The following TYW1 variants were observed in gnomAD, a reference collection of about 807,000 sequenced individuals.
The protein encoded by TYW1 is tRNA-yW synthesizing protein 1 homolog.
TYW1 carries 46 observed loss-of-function variants against 96.2 expected under a neutral mutation model. The ratio of observed to expected loss-of-function variants is 0.48; its 90% CI spans 0.38 to 0.61. The LOEUF is 0.61. TYW1 is among the 20% of genes least tolerant of loss of function. The probability of loss-of-function intolerance (pLI) is 0.00; values close to 1 mark genes in which losing one functional copy is unlikely to be tolerated. For synonymous variants in TYW1, 274 were observed against 323.0 expected (o/e 0.85, Z 1.63); for missense variants, 684 against 909.6 (o/e 0.75, Z 3.19).
chr7:67,088,576 C>T (rs1209176299), intron 11 of TYW1, among the ~76,000 whole-genome samples: 4 of 151,820 alleles, frequency 2.6e-5, no homozygotes, highest in South Asian at 2.1e-4. Flanking sequence ...TGAAAAAGAC[C>T]GTAAAGGGAT....
At chr7:67,001,864 T>A (rs112051121) in intron 3 of TYW1, among the ~76,000 whole-genome samples, 47 of 151,542 alleles carry the variant, frequency 3.1e-4, no homozygotes, top group African/African-American at 1.1e-3. Flanking sequence ...AAAACCCCAT[T>A]TCTACTAAAA....
intron 12 of TYW1, among the ~76,000 whole-genome samples, chr7:67,113,304 G>C (rs2690188): frequency 0.27 from 41,271 of 151,716 alleles, 6,372 homozygotes; most frequent in African/African-American, 0.42. Context: ...GCCTCAGTGT[G>C]CAGTTCATAG....
intron 7 of TYW1, among the ~76,000 whole-genome samples, chr7:67,047,013 T>C (rs1795208140): frequency 6.6e-6 from 1 of 152,216 alleles, no homozygotes; most frequent in South Asian, 2.1e-4. Flanking sequence ...GCCAGTGTCA[T>C]GGACCTCGGT....
At chr7:67,011,768 G>C (rs942225878) in intron 4 of TYW1, among the ~76,000 whole-genome samples, 2 of 152,008 alleles carry the variant, frequency 1.3e-5, no homozygotes, top group African/African-American at 4.8e-5. Flanking sequence ...AACTACTCGG[G>C]AGGCTGAGGC....
At chr7:67,137,513 A>G (rs1798303008) in intron 13 of TYW1, among the ~76,000 whole-genome samples, 1 of 152,152 alleles carries the variant, frequency 6.6e-6, no homozygotes, top group African/African-American at 2.4e-5. Flanking sequence ...TTTTTAAAAG[A>G]TTGTATTTGA....
chr7:67,177,921 AG>A (rs1422193200), intron 13 of TYW1, among the ~76,000 whole-genome samples: 15 of 149,646 alleles, frequency 1.0e-4, no homozygotes, highest in African/African-American at 3.7e-4. Flanking sequence ...TGGGAGGCCA[AG>A]GCAAGAGGAT....
intron 11 of TYW1, among the ~76,000 whole-genome samples, chr7:67,089,760 A>T (rs1485825247): frequency 1.3e-5 from 2 of 152,178 alleles, no homozygotes; most frequent in African/African-American, 2.4e-5. Context: ...ACTGAGTTAT[A>T]AAAATATCTT....
At chr7:67,227,948 G>A (rs1429434872) in intron 15 of TYW1, among the ~76,000 whole-genome samples, 6 of 152,312 alleles carry the variant, frequency 3.9e-5, no homozygotes, top group Non-Finnish European at 1.5e-5. Context: ...AGAGAGTTCT[G>A]TGGGTCCTTC....
At chr7:67,085,265 C>T (rs565614135) in intron 11 of TYW1, among the ~76,000 whole-genome samples, 4 of 152,288 alleles carry the variant, frequency 2.6e-5, no homozygotes, top group African/African-American at 7.2e-5. Context: ...ATTGTAATCT[C>T]CATAATCCCC....
At chr7:67,175,337 A>G (rs1799639136) in intron 13 of TYW1, among the ~76,000 whole-genome samples, 2 of 151,930 alleles carry the variant, frequency 1.3e-5, no homozygotes, top group African/African-American at 4.8e-5. Flanking sequence ...ATGCCCAGCT[A>G]ATTTTGTATT....
chr7:67,025,715 C>T (rs761310251), intron 7 of TYW1, among the ~76,000 whole-genome samples: 14 of 151,972 alleles, frequency 9.2e-5, no homozygotes, highest in Non-Finnish European at 1.6e-4. Flanking sequence ...TGAGAATGTA[C>T]GATGCAGTAG....
chr7:67,195,419 C>T (rs1800362462), intron 15 of TYW1, 82 bp downstream of exon 15: 1 of 1,597,612 alleles, frequency 6.3e-7, no homozygotes, highest in South Asian at 1.1e-5. Context: ...TTTCCTCTTA[C>T]ATTGTTATAG....
intron 12 of TYW1, among the ~76,000 whole-genome samples, chr7:67,110,496 C>G (rs1797369403): frequency 6.6e-6 from 1 of 152,308 alleles, no homozygotes; most frequent in Non-Finnish European, 1.5e-5. Flanking sequence ...CATTAATGAG[C>G]TGACCACTAA....
At chr7:67,169,277 A>C (rs1799447079) in intron 13 of TYW1, among the ~76,000 whole-genome samples, 1 of 152,186 alleles carries the variant, frequency 6.6e-6, no homozygotes, top group South Asian at 2.1e-4. Context: ...AGTGGCTTTT[A>C]GTTTATTTAC....
At chr7:67,237,425 A>C (rs1801924385) in intron 15 of TYW1, among the ~76,000 whole-genome samples, 2 of 151,030 alleles carry the variant, frequency 1.3e-5, no homozygotes, top group Non-Finnish European at 2.9e-5. Flanking sequence ...GCATGAACGC[A>C]GGAGGCAGAG....
chr7:67,186,267 C>CCCCG (rs1554388125), intron 14 of TYW1, among the ~76,000 whole-genome samples: 15 of 60,394 alleles, frequency 2.5e-4, no homozygotes, highest in African/African-American at 1.3e-3. Flanking sequence ...TCCTTTCTTC[C>CCCCG]CCCCCGCCCC....
At chr7:67,058,366 T>C (rs1173958913) in intron 9 of TYW1, among the ~76,000 whole-genome samples, 1 of 152,240 alleles carries the variant, frequency 6.6e-6, no homozygotes, top group Non-Finnish European at 1.5e-5. Flanking sequence ...GACTTCAATG[T>C]CTGTATTCCT....
intron 12 of TYW1, among the ~76,000 whole-genome samples, chr7:67,102,809 A>G (rs34346586): frequency 5.3e-5 from 8 of 151,876 alleles, no homozygotes; most frequent in African/African-American, 1.9e-4. Context: ...CCACCACCAC[A>G]CCCAGCTAAT....
At chr7:67,109,018 A>C (rs2115921408) in intron 12 of TYW1, among the ~76,000 whole-genome samples, 1 of 152,210 alleles carries the variant, frequency 6.6e-6, no homozygotes, top group South Asian at 2.1e-4. Context: ...TCACGCCTGT[A>C]ATCCCAGCAC....
Sources: gnomAD v4.1 joint callset for allele counts (sites outside exome capture counted in the v4.1 genomes callset) on GRCh38, gnomAD v4.1.1 for gene constraint, MANE v1.5 for transcripts, NCBI Gene and HGNC (gene_info 2026-07-23, HGNC 2026-07-21) for gene names.